TMEFF2: variants seen among roughly 807,000 people sequenced by gnomAD.
The protein encoded by TMEFF2 is tomoregulin-2.
Under a neutral mutation model 53.8 loss-of-function variants are expected in TMEFF2, and 28 were observed. That is an observed-to-expected ratio of 0.52 (90% CI 0.39 to 0.71). TMEFF2 has a LOEUF of 0.71. Ranked by LOEUF, TMEFF2 falls within the 30% of genes least tolerant of loss-of-function variation. The probability of loss-of-function intolerance (pLI) is 0.00; values close to 1 mark genes in which losing one functional copy is unlikely to be tolerated. For missense variants in TMEFF2, 353 were observed against 455.2 expected (o/e 0.78, Z 2.04); for synonymous variants, 162 against 166.3 (o/e 0.97, Z 0.20).
At chr2:192,172,964 T>C in intron 4 of TMEFF2, among the ~76,000 whole-genome samples, 1 of 151,916 alleles carries the variant, frequency 6.6e-6, no homozygotes, top group Middle Eastern at 3.2e-3. Flanking sequence ...CTGATCTTCA[T>C]CTACACATCC....
At chr2:192,037,590 GTGTGTT>G (rs1369003628) in intron 5 of TMEFF2, among the ~76,000 whole-genome samples, 2 of 147,662 alleles carry the variant, frequency 1.4e-5, no homozygotes, top group African/African-American at 2.5e-5. Context: ...GTGTGTGTGT[GTGTGTT>G]TGTGCGTGTG....
intron 4 of TMEFF2, among the ~76,000 whole-genome samples, chr2:192,087,640 G>T (rs1688696953): frequency 6.6e-6 from 1 of 152,038 alleles, no homozygotes; most frequent in Non-Finnish European, 1.5e-5. Flanking sequence ...AATGAAAAGG[G>T]AGCTGATCCG....
intron 4 of TMEFF2, among the ~76,000 whole-genome samples, chr2:192,115,392 G>A (rs1226601312): frequency 1.3e-5 from 2 of 151,820 alleles, no homozygotes; most frequent in Non-Finnish European, 2.9e-5. Flanking sequence ...AAACATCAGG[G>A]AACAGCTGTA....
intron 4 of TMEFF2, among the ~76,000 whole-genome samples, chr2:192,058,599 T>C (rs1687970326): frequency 6.6e-6 from 1 of 152,146 alleles, no homozygotes; most frequent in Non-Finnish European, 1.5e-5. Context: ...TTCTAGTATT[T>C]GAGTACAAGG....
At chr2:192,081,748 T>G (rs2105926045) in intron 4 of TMEFF2, among the ~76,000 whole-genome samples, 1 of 152,162 alleles carries the variant, frequency 6.6e-6, no homozygotes, top group South Asian at 2.1e-4. Context: ...AAATCATACT[T>G]TTAAATACAT....
rs148946954 is a variant in TMEFF2, at chr2:192,183,348, C to T, written c.412+1006G>A. ...CTCTTTGCTCATTTTCCACCCTGCC[C>T]CAGTCACTTAGCACATAACTTTTAA... On this transcript the variant is annotated intron_variant, in intron 3 of 9. Coordinates refer to ENST00000272771, the MANE Select transcript of TMEFF2 (RefSeq NM_016192.4). Among the ~76,000 whole-genome samples, 327 of 151,990 alleles carry T rather than the reference C, an allele frequency of 2.2e-3. 3 individuals are homozygous for T. Among genetic ancestry groups the T allele is most frequent in the Non-Finnish European group, 4.6e-4 (31 of 67,926 alleles).
intron 7 of TMEFF2, among the ~76,000 whole-genome samples, chr2:191,957,474 G>T (rs998301011): frequency 6.6e-6 from 1 of 152,066 alleles, no homozygotes; most frequent in Admixed American, 6.5e-5. Context: ...CCATATAAGG[G>T]TATAGGTTTT....
intron 4 of TMEFF2, among the ~76,000 whole-genome samples, chr2:192,135,038 T>G (rs376143766): frequency 6.6e-6 from 1 of 152,204 alleles, no homozygotes; most frequent in South Asian, 2.1e-4. Context: ...AGCTCCTGTA[T>G]AGATGCTCCT....
At chr2:192,124,183 T>C (rs1270394612) in intron 4 of TMEFF2, among the ~76,000 whole-genome samples, 1 of 152,216 alleles carries the variant, frequency 6.6e-6, no homozygotes, top group African/African-American at 2.4e-5. Context: ...ATCACCTGAT[T>C]TCTACCACTT....
At chr2:192,116,746 T>C (rs980257805) in intron 4 of TMEFF2, among the ~76,000 whole-genome samples, 9 of 152,210 alleles carry the variant, frequency 5.9e-5, no homozygotes, top group African/African-American at 2.2e-4. Flanking sequence ...ATGTGAGACC[T>C]ATGTATTAGA....
chr2:191,956,647 C>G (rs1170473204), intron 7 of TMEFF2, among the ~76,000 whole-genome samples: 1 of 152,170 alleles, frequency 6.6e-6, no homozygotes, highest in Non-Finnish European at 1.5e-5. Context: ...TAGGACTTGT[C>G]AGACAGCTTT....
At chr2:192,055,127 G>A (rs987223381) in intron 5 of TMEFF2, among the ~76,000 whole-genome samples, 4 of 152,148 alleles carry the variant, frequency 2.6e-5, no homozygotes, top group Non-Finnish European at 5.9e-5. Flanking sequence ...AAATGATGCT[G>A]AAATACAGAT....
At chr2:192,170,048 A>C (rs1448883292) in intron 4 of TMEFF2, among the ~76,000 whole-genome samples, 1 of 152,054 alleles carries the variant, frequency 6.6e-6, no homozygotes, top group Non-Finnish European at 1.5e-5. Flanking sequence ...TTATATTTTA[A>C]AATAACAGCT....
chr2:191,954,857 G>A (rs1692015836), intron 8 of TMEFF2, among the ~76,000 whole-genome samples: 1 of 152,132 alleles, frequency 6.6e-6, no homozygotes, highest in South Asian at 2.1e-4. Flanking sequence ...TCAATGAAAT[G>A]AGAAAATAGC....
At chr2:191,994,148 CA>C (rs1368660403) in intron 7 of TMEFF2, among the ~76,000 whole-genome samples, 9 of 152,016 alleles carry the variant, frequency 5.9e-5, no homozygotes, top group Non-Finnish European at 1.2e-4. Context: ...GGGCTAAATA[CA>C]GTAACTGTAA....
At chr2:192,152,492 A>G (rs1052079527) in intron 4 of TMEFF2, among the ~76,000 whole-genome samples, 4 of 151,976 alleles carry the variant, frequency 2.6e-5, no homozygotes, top group South Asian at 2.1e-4. Context: ...TTGATGCTGC[A>G]GTAAAAGTAA....
At chr2:192,103,249 G>T (rs955736239) in intron 4 of TMEFF2, among the ~76,000 whole-genome samples, 2 of 152,122 alleles carry the variant, frequency 1.3e-5, no homozygotes, top group Non-Finnish European at 2.9e-5. Flanking sequence ...CTATCCCAAA[G>T]TGGGTACAAT....
intron 4 of TMEFF2, among the ~76,000 whole-genome samples, chr2:192,156,345 A>T (rs79501407): frequency 6.6e-6 from 1 of 151,938 alleles, no homozygotes; most frequent in East Asian, 1.9e-4. Flanking sequence ...AAACAACTCT[A>T]TGAGGCAGAA....
At chr2:191,957,554 C>T (rs1044875252) in intron 7 of TMEFF2, among the ~76,000 whole-genome samples, 8 of 152,132 alleles carry the variant, frequency 5.3e-5, no homozygotes, top group African/African-American at 1.9e-4. Flanking sequence ...ATTAGCGAAT[C>T]AGACAAATCT....
Sources: allele counts gnomAD v4.1 joint callset (sites outside exome capture counted in the v4.1 genomes callset), GRCh38; gene constraint gnomAD v4.1.1; transcripts MANE v1.5; gene names NCBI Gene and HGNC (gene_info 2026-07-23, HGNC 2026-07-21).